PSD3: variants seen among roughly 807,000 people sequenced by gnomAD.
The protein encoded by PSD3 is pleckstrin and Sec7 domain containing 3, also known as PH and SEC7 domain-containing protein 3.
PSD3 carries 49 observed loss-of-function variants against 105.5 expected under a neutral mutation model. The ratio of observed to expected loss-of-function variants is 0.46; its 90% CI spans 0.37 to 0.59. The LOEUF (loss-of-function observed/expected upper bound fraction) is 0.59. Ranked by LOEUF, PSD3 falls within the 20% of genes least tolerant of loss-of-function variation. The pLI, the probability that PSD3 is intolerant of heterozygous loss-of-function variation, is 0.00. For missense variants in PSD3, 1,561 were observed against 1,263.8 expected, an observed-to-expected ratio of 1.24 and a Z score of -3.57; for synonymous variants, 557 against 457.8, an observed-to-expected ratio of 1.22 and a Z score of -2.77.
chr8:18,649,965 A>G (rs996574320), intron 10 of PSD3, among the ~76,000 whole-genome samples: 5 of 152,212 alleles, frequency 3.3e-5, no homozygotes, highest in Admixed American at 6.5e-5. Flanking sequence ...TACGGCCTGA[A>G]GACTGTGAGC....
intron 1 of PSD3, among the ~76,000 whole-genome samples, chr8:19,025,037 T>C (rs1395730190): frequency 6.6e-6 from 1 of 152,114 alleles, no homozygotes; most frequent in Non-Finnish European, 1.5e-5. Flanking sequence ...AGCAGTCTCA[T>C]GACTAGCAAA....
At chr8:18,803,393 G>GTGTGTGTGTGTC (rs1810902736) in intron 6 of PSD3, 1 of 148,774 alleles carries the variant, frequency 6.7e-6, no homozygotes, top group Non-Finnish European at 1.5e-5. Context: ...TATAAACTGT[G>GTGTGTGTGTGTC]TGTGTGTGTG....
chr8:18,955,329 C>T (rs1586517801), intron 1 of PSD3, among the ~76,000 whole-genome samples: 1 of 152,282 alleles, frequency 6.6e-6, no homozygotes, highest in East Asian at 1.9e-4. Context: ...CAGCCTTGAA[C>T]TCCAGGACTC....
At chr8:18,701,104 CA>C (rs1218880344) in intron 9 of PSD3, among the ~76,000 whole-genome samples, 1 of 151,070 alleles carries the variant, frequency 6.6e-6, no homozygotes, top group Non-Finnish European at 1.5e-5. Context: ...TAGCTGAGAC[CA>C]CAGGTGTGTG....
chr8:18,607,226 C>T (rs1804902840), intron 11 of PSD3, among the ~76,000 whole-genome samples: 1 of 152,174 alleles, frequency 6.6e-6, no homozygotes, highest in African/African-American at 2.4e-5. Flanking sequence ...GATCTCAGAA[C>T]AGAGGCACAG....
intron 2 of PSD3, among the ~76,000 whole-genome samples, chr8:18,907,534 T>C (rs1819924956): frequency 6.6e-6 from 1 of 152,202 alleles, no homozygotes; most frequent in African/African-American, 2.4e-5. Context: ...TGTTTTGACA[T>C]ACAAATACTT....
intron 4 of PSD3, among the ~76,000 whole-genome samples, chr8:18,862,833 G>C (rs1397839122): frequency 7.1e-6 from 1 of 139,994 alleles, no homozygotes; most frequent in Non-Finnish European, 1.5e-5. Context: ...GGAAGAAAGA[G>C]AATAATTTCC....
intron 14 of PSD3, among the ~76,000 whole-genome samples, chr8:18,558,747 G>T (rs1436553957): frequency 6.6e-6 from 1 of 152,124 alleles, no homozygotes; most frequent in Admixed American, 6.6e-5. Flanking sequence ...CTTGAACCTG[G>T]GAGATGGAGG....
intron 1 of PSD3, among the ~76,000 whole-genome samples, chr8:18,960,126 A>C (rs939564064): frequency 1.3e-5 from 2 of 152,216 alleles, no homozygotes; most frequent in Non-Finnish European, 2.9e-5. Flanking sequence ...TCGTATACTG[A>C]TAGCAGTTTC....
intron 2 of PSD3, among the ~76,000 whole-genome samples, chr8:18,900,243 C>A (rs559859736): frequency 7.9e-5 from 12 of 152,202 alleles, no homozygotes; most frequent in African/African-American, 2.9e-4. Context: ...ATACACTAAC[C>A]TCATTTTTTC....
chr8:18,801,468 C>T (rs1481037704), intron 6 of PSD3, 86 bp from the exon 7 acceptor site: 3 of 718,602 alleles, frequency 4.2e-6, no homozygotes, highest in South Asian at 1.8e-5. Context: ...TTATATAAAC[C>T]TAAGATATTA....
rs17644853 is a variant in PSD3, at chr8:18,692,930, C to G, written c.2173-37245G>C. Reference sequence around the variant, plus strand: ...TTAATACCAAAGCTAAGCTCTGGGGCTGCAGAAATTCACTACCGGGGGTAG... The same window carrying G: ...TTAATACCAAAGCTAAGCTCTGGGGGTGCAGAAATTCACTACCGGGGGTAG... On this transcript the variant is annotated intron_variant, in intron 9 of 15. Transcript: ENST00000327040. 0.013 allele frequency among the ~76,000 whole-genome samples: 2,012 copies of G among 152,224 alleles called. 99 individuals carry two copies. The East Asian group carries it at 0.14, about 11-fold the overall frequency.
intron 4 of PSD3, among the ~76,000 whole-genome samples, chr8:18,831,653 C>T (rs1418479318): frequency 6.6e-6 from 1 of 152,054 alleles, no homozygotes; most frequent in Non-Finnish European, 1.5e-5. Flanking sequence ...ACTTGGGAGG[C>T]GGAAGTTGCA....
intron 8 of PSD3, among the ~76,000 whole-genome samples, chr8:18,767,673 G>A (rs1807128395): frequency 6.6e-6 from 1 of 152,100 alleles, no homozygotes; most frequent in South Asian, 2.1e-4. Flanking sequence ...CTTGAACCCG[G>A]GAGGTGGAGG....
intron 1 of PSD3, among the ~76,000 whole-genome samples, chr8:18,998,045 G>A (rs1406713094): frequency 1.3e-5 from 2 of 151,272 alleles, no homozygotes; most frequent in African/African-American, 4.9e-5. Context: ...CTGTATCCCT[G>A]GAACCTAAAA....
At chr8:18,604,988 G>C (rs1037221418) in intron 11 of PSD3, among the ~76,000 whole-genome samples, 4 of 152,210 alleles carry the variant, frequency 2.6e-5, no homozygotes, top group Non-Finnish European at 4.4e-5. Flanking sequence ...TGCAGTGGTG[G>C]AGCCCTCATG....
intron 2 of PSD3, among the ~76,000 whole-genome samples, chr8:18,927,798 A>T (rs1161152003): frequency 6.6e-6 from 1 of 152,242 alleles, no homozygotes; most frequent in Non-Finnish European, 1.5e-5. Flanking sequence ...AGAAGACATC[A>T]TTGCGGACAT....
At chr8:18,913,054 T>C (rs1820340558) in intron 2 of PSD3, among the ~76,000 whole-genome samples, 1 of 148,014 alleles carries the variant, frequency 6.8e-6, no homozygotes, top group Non-Finnish European at 1.5e-5. Context: ...TGGTTTAATC[T>C]AAACAACTTT....
intron 1 of PSD3, among the ~76,000 whole-genome samples, chr8:18,952,564 T>C (rs549477273): frequency 6.6e-5 from 10 of 152,340 alleles, no homozygotes; most frequent in East Asian, 5.8e-4. Context: ...CTAATTGTGC[T>C]GTGAGAGACT....
Sources: gnomAD v4.1 joint callset for allele counts (sites outside exome capture counted in the v4.1 genomes callset) on GRCh38, gnomAD v4.1.1 for gene constraint, MANE v1.5 for transcripts, NCBI Gene and HGNC (gene_info 2026-07-23, HGNC 2026-07-21) for gene names.